ADAM12: variants seen among roughly 807,000 people sequenced by gnomAD.
ADAM12 encodes ADAM metallopeptidase domain 12, also known as disintegrin and metalloproteinase domain-containing protein 12.
A neutral mutation model predicts 106.4 loss-of-function variants in ADAM12; 70 were observed. The observed-to-expected ratio is 0.66, with a 90% confidence interval of 0.54 to 0.80. The LOEUF is 0.80. Ranked by LOEUF, ADAM12 falls within the 30% of genes least tolerant of loss-of-function variation. The pLI, the probability that ADAM12 is intolerant of heterozygous loss-of-function variation, is 0.00. For synonymous variants in ADAM12, 420 were observed against 433.5 expected (o/e 0.97, Z 0.39); for missense variants, 1,010 against 1,171.9 (o/e 0.86, Z 2.02).
chr10:126,384,011 G>A (rs1186907292), intron 1 of ADAM12, among the ~76,000 whole-genome samples: 3 of 152,210 alleles, frequency 2.0e-5, no homozygotes, highest in African/African-American at 4.8e-5. Context: ...GATGAAAATA[G>A]ATTTGACTGG....
chr10:126,298,133 A>G lies in ADAM12; in HGVS notation c.187-19145T>C, dbSNP rs114105133. Among the ~76,000 whole-genome samples the G allele has an allele frequency of 6.3e-3, 953 of 152,152 alleles. 8 individuals carry two copies. Among genetic ancestry groups the G allele is most frequent in the African/African-American group, 0.022 (906 of 41,516 alleles). On this transcript the variant is annotated intron_variant, in intron 2 of 22. Coordinates refer to ENST00000448723, the MANE Select transcript of ADAM12 (RefSeq NM_001288973.2). ...CCATATGACATCATCTAGCGGCTCA[A>G]TTTGTCTTTAAGCTGCCCATATACA...
chr10:126,306,971 C>T (rs1960872768), intron 2 of ADAM12, among the ~76,000 whole-genome samples: 1 of 152,180 alleles, frequency 6.6e-6, no homozygotes, highest in Non-Finnish European at 1.5e-5. Flanking sequence ...TCTCTCACTC[C>T]TTTCCTTATA....
intron 16 of ADAM12, among the ~76,000 whole-genome samples, chr10:126,047,424 C>T (rs966377785): frequency 6.6e-5 from 10 of 152,184 alleles, no homozygotes; most frequent in Admixed American, 5.9e-4. Context: ...ACAGTGAACA[C>T]AGCAGGACCC....
chr10:126,027,626 A>G (rs1953898863), intron 21 of ADAM12, among the ~76,000 whole-genome samples: 2 of 152,260 alleles, frequency 1.3e-5, no homozygotes, highest in Admixed American at 6.5e-5. Flanking sequence ...CCATATGATT[A>G]TCTCAATAGA....
intron 11 of ADAM12, among the ~76,000 whole-genome samples, chr10:126,073,574 C>T (rs375224736): frequency 1.0e-3 from 155 of 152,296 alleles, no homozygotes; most frequent in African/African-American, 3.6e-3. Flanking sequence ...CCCTTCTTTG[C>T]ATCCATATGT....
At position 126,068,727 on chromosome 10, in the gene ADAM12, C is replaced by T. The variant is rs73376505; in HGVS notation, c.1324-1921G>A. ...TTCTCAGAAGAGACACATTCTTCAT[C>T]TGCTGCTACATTGATTATTTTAGTC... On this transcript the variant is annotated intron_variant, in intron 12 of 22. Transcript: ENST00000448723. Among the ~76,000 whole-genome samples the T allele has an allele frequency of 6.3e-3, 962 of 152,338 alleles. 8 individuals are homozygous for T. The highest frequency in any genetic ancestry group is 0.022 in the African/African-American group (895 of 41,576).
In ADAM12 at chr10:126,181,702, G is replaced by A. The variant is rs117900816; in HGVS notation, c.261-26397C>T. Among the ~76,000 whole-genome samples, 268 of 152,254 alleles carry A rather than the reference G, an allele frequency of 1.8e-3. 7 individuals are homozygous for A. In the South Asian group the frequency reaches 0.027, roughly 15 times the overall value. On this transcript the variant is annotated intron_variant, in intron 3 of 22. Coordinates refer to ENST00000448723, the MANE Select transcript of ADAM12 (RefSeq NM_001288973.2). Reference sequence around the variant, plus strand: ...AGAGGCAGAAGAGAGGCATACTGTGGGATTCCACCTCCATTTCTCAGTTGG... The same window carrying A: ...AGAGGCAGAAGAGAGGCATACTGTGAGATTCCACCTCCATTTCTCAGTTGG...
intron 18 of ADAM12, chr10:126,042,351 C>T: frequency 2.2e-6 from 3 of 1,364,436 alleles, no homozygotes; most frequent in Admixed American, 4.5e-5. Context: ...GGAGAAATGG[C>T]CACGAGTTCA....
At chr10:126,216,475 A>G (rs925165582) in intron 3 of ADAM12, among the ~76,000 whole-genome samples, 5 of 152,208 alleles carry the variant, frequency 3.3e-5, no homozygotes, top group Admixed American at 2.6e-4. Context: ...CCCTGCCAAG[A>G]TGTATTCCAT....
At chr10:126,164,097 A>C (rs1182547566) in intron 3 of ADAM12, among the ~76,000 whole-genome samples, 1 of 152,234 alleles carries the variant, frequency 6.6e-6, no homozygotes, top group Non-Finnish European at 1.5e-5. Flanking sequence ...CAAACTGCTT[A>C]AATGAGGGAA....
chr10:126,018,447 T>A (rs959602911), intron 22 of ADAM12, among the ~76,000 whole-genome samples: 1 of 152,122 alleles, frequency 6.6e-6, no homozygotes, highest in Admixed American at 6.5e-5. Flanking sequence ...TCACTAAACA[T>A]GGAAGAGATG....
chr10:126,316,783 CAAAAA>C (rs376131530), intron 2 of ADAM12, among the ~76,000 whole-genome samples: 1 of 82,770 alleles, frequency 1.2e-5, no homozygotes. Context: ...GACCCTATCT[CAAAAA>C]AAAAAAAAAA....
At chr10:126,189,427 T>G (rs1015497014) in intron 3 of ADAM12, among the ~76,000 whole-genome samples, 3 of 152,106 alleles carry the variant, frequency 2.0e-5, no homozygotes, top group Non-Finnish European at 4.4e-5. Flanking sequence ...AGCTTCCAAC[T>G]CCTCTTCTTC....
intron 21 of ADAM12, among the ~76,000 whole-genome samples, chr10:126,021,773 C>T (rs1007488892): frequency 6.6e-6 from 1 of 152,126 alleles, no homozygotes; most frequent in Non-Finnish European, 1.5e-5. Flanking sequence ...TATTGAGGCT[C>T]CTAGCACAGG....
intron 3 of ADAM12, among the ~76,000 whole-genome samples, chr10:126,226,199 G>A (rs1295269467): frequency 2.7e-5 from 4 of 150,926 alleles, no homozygotes; most frequent in African/African-American, 7.3e-5. Flanking sequence ...TGGGGGGAGG[G>A]GGCGGGGGGA....
At position 126,179,148 on chromosome 10, in the gene ADAM12, G is replaced by A. The variant is rs373725766; in HGVS notation, c.261-23843C>T. Among the ~76,000 whole-genome samples the A allele has an allele frequency of 8.5e-4, 130 of 152,274 alleles. 4 individuals are homozygous for A. In the South Asian group the frequency reaches 0.023, roughly 27 times the overall value. The stretch of plus-strand genomic sequence containing the variant: ...TGTAGTTTATTTCATGAACAAAAGC[G>A]GAGTGTGTGGGAATCTCCCATCAGC... On this transcript the variant is annotated intron_variant, in intron 3 of 22. Transcript: ENST00000448723.
At chr10:126,272,027 C>T (rs1959179814) in intron 3 of ADAM12, among the ~76,000 whole-genome samples, 1 of 152,190 alleles carries the variant, frequency 6.6e-6, no homozygotes, top group African/African-American at 2.4e-5. Flanking sequence ...CCTCTGTGTG[C>T]ACAGCTTAAG....
intron 12 of ADAM12, among the ~76,000 whole-genome samples, chr10:126,068,122 C>T (rs1954910060): frequency 6.6e-6 from 1 of 152,160 alleles, no homozygotes; most frequent in South Asian, 2.1e-4. Context: ...AACCAGAAGT[C>T]ATAGCTGTAA....
At chr10:126,048,198 T>C (rs1954377982) in intron 16 of ADAM12, among the ~76,000 whole-genome samples, 1 of 152,136 alleles carries the variant, frequency 6.6e-6, no homozygotes, top group African/African-American at 2.4e-5. Flanking sequence ...GGTACTAGGC[T>C]TAGTATCTGA....
Sources: gnomAD v4.1 joint callset for allele counts (sites outside exome capture counted in the v4.1 genomes callset) on GRCh38, gnomAD v4.1.1 for gene constraint, MANE v1.5 for transcripts, NCBI Gene and HGNC (gene_info 2026-07-23, HGNC 2026-07-21) for gene names.